The following DDX25 variants were observed in gnomAD, a reference collection of about 807,000 sequenced individuals.
DDX25 encodes ATP-dependent RNA helicase DDX25.
DDX25 carries 70 observed loss-of-function variants against 64.6 expected under a neutral mutation model. That is an observed-to-expected ratio of 1.08 (90% CI 0.89 to 1.32). DDX25 has a LOEUF of 1.32. Among genes scored for constraint, DDX25 ranks in the 40% most tolerant of loss-of-function variants. The pLI is 0.00. For missense variants in DDX25, 587 were observed against 604.4 expected (o/e 0.97, Z 0.30); for synonymous variants, 211 against 213.3 (o/e 0.99, Z 0.09).
rs1007111564 is a variant in DDX25, at chr11:125,924,194, G to A, written c.*1313G>A. 23 of 152,268 alleles carry A rather than the reference G, an allele frequency of 1.5e-4. No individual in the cohort carries two copies. The highest frequency in any genetic ancestry group is 5.6e-4 in the African/African-American group (23 of 41,428). 9.4% of individuals were successfully genotyped at this position (152,268 alleles called of 1,614,324 possible). A position where few individuals can be genotyped will look rare whatever the true frequency, so the allele number is the denominator to read the frequency against. The stretch of plus-strand genomic sequence containing the variant: ...AGGCAGGAGAATCACTTGAACCCAG[G>A]AGGCCGAGATTGCAGTGAGCCGAGA... On this transcript the variant is annotated 3_prime_UTR_variant, in exon 12 of 12. Coordinates refer to ENST00000263576, the MANE Select transcript of DDX25 (RefSeq NM_013264.5).
chr11:125,904,145 G>A (rs1038669057), upstream of DDX25, among the ~76,000 whole-genome samples: 2 of 152,208 alleles, frequency 1.3e-5, no homozygotes, highest in African/African-American at 4.8e-5. Flanking sequence ...CGTAAAGCGC[G>A]GCGGGGAGTC....
intron 8 of DDX25, among the ~76,000 whole-genome samples, chr11:125,912,486 G>C (rs994178357): frequency 2.0e-5 from 3 of 152,192 alleles, no homozygotes; most frequent in Non-Finnish European, 4.4e-5. Flanking sequence ...GGATGTTCAA[G>C]TCCCTGATGT....
chr11:125,917,700 T>C (rs1356961090), intron 9 of DDX25, among the ~76,000 whole-genome samples: 1 of 152,164 alleles, frequency 6.6e-6, no homozygotes, highest in African/African-American at 2.4e-5. Flanking sequence ...CTCTCTCTCA[T>C]TCACTCCCAT....
rs765152675 is a variant in DDX25, at chr11:125,908,198, A to G, written c.314A>G (p.Lys105Arg). 3.1e-6 allele frequency: 5 copies of G among 1,598,336 alleles called. No homozygotes were observed. In the South Asian group the frequency reaches 4.6e-5, roughly 15 times the overall value. Residue 105 changes from lysine (K) to arginine (R), a missense_variant and splice_region_variant, in exon 5 of 12, where the codon AAG becomes AGG. Transcript: ENST00000263576. Reference sequence around the variant, plus strand: ...TGTTTGATTTTTTTTTTTGACAGAAAGGAAGAGTTACTAAAAGGAATCTAT... The same window carrying G: ...TGTTTGATTTTTTTTTTTGACAGAAGGGAAGAGTTACTAAAAGGAATCTAT... ...SVKTFEELRL[K>R]EELLKGIYAM...
At chr11:125,914,975 G>T (rs1565466099) in intron 8 of DDX25, among the ~76,000 whole-genome samples, 1 of 152,118 alleles carries the variant, frequency 6.6e-6, no homozygotes, top group Non-Finnish European at 1.5e-5. Context: ...CCAAAAAATG[G>T]TCATAAACAA....
chr11:125,910,618 T>C (rs1023845322), intron 7 of DDX25, 140 bp downstream of exon 7: 4 of 752,914 alleles, frequency 5.3e-6, no homozygotes, highest in South Asian at 1.8e-5. Flanking sequence ...GTTATTAGAA[T>C]TGAGATGACG....
At chr11:125,907,326 T>A (rs540109308) in intron 4 of DDX25, among the ~76,000 whole-genome samples, 32 of 152,278 alleles carry the variant, frequency 2.1e-4, no homozygotes, top group African/African-American at 7.5e-4. Context: ...GTTGAAGTGT[T>A]GGCCGGGCGC....
chr11:125,908,008 T>G (rs1486485024), intron 4 of DDX25, among the ~76,000 whole-genome samples, 188 bp from the exon 5 acceptor site: 1 of 152,234 alleles, frequency 6.6e-6, no homozygotes, highest in Non-Finnish European at 1.5e-5. Context: ...CTTATTATTT[T>G]AGTGGTCCAG....
rs1945117623 is a variant in DDX25 at position 125,921,637 on chromosome 11, TCCCAGCACTTTG to T, written c.1390+259_1390+270del. The T allele has an allele frequency of 2.8e-6, 1 of 360,508 alleles. No individual in the cohort carries two copies. Among genetic ancestry groups the T allele is most frequent in the Admixed American group, 4.0e-5 (1 of 24,788 alleles). The allele number at this position is 360,508 out of a possible 1,614,324, so 22.3% of individuals were successfully genotyped here. ...CGGGTGTGGCAGCTCACACCTGTAA[TCCCAGCACTTTG>T]GGAGGCCGAGGTGGTCAGATCATGA... On this transcript the variant is annotated intron_variant, in intron 11 of 11. Coordinates refer to ENST00000263576, the MANE Select transcript of DDX25 (RefSeq NM_013264.5). The surrounding 1 kb of genome is among the most constrained non-coding windows in gnomAD (Gnocchi z 4.1).
intron 6 of DDX25, among the ~76,000 whole-genome samples, chr11:125,908,724 T>A (rs1944928211): frequency 6.6e-6 from 1 of 152,204 alleles, no homozygotes; most frequent in Admixed American, 6.5e-5. Flanking sequence ...TCCCACTTAC[T>A]AACTGAATGT....
chr11:125,903,808 C>G (rs572302209), upstream of DDX25, among the ~76,000 whole-genome samples: 1 of 152,018 alleles, frequency 6.6e-6, no homozygotes, highest in Non-Finnish European at 1.5e-5. Context: ...GTCATTAAAT[C>G]ATTAGTACCA....
At position 125,925,895 on chromosome 11, in the gene DDX25, C is replaced by T. The variant is rs543996040; in HGVS notation, c.*3014C>T. ...TTTTGGTCATGAGAAAGTGTTGATC[C>T]TCCTCAGCAAAGCTCGGTCACCATG... On this transcript the variant is annotated 3_prime_UTR_variant, in exon 12 of 12. Transcript: ENST00000263576. The T allele has an allele frequency of 3.5e-4, 57 of 164,410 alleles. No individual in the cohort carries two copies. Among genetic ancestry groups the T allele is most frequent in the African/African-American group, 1.3e-3 (55 of 41,988 alleles). 10.2% of individuals were successfully genotyped at this position (164,410 alleles called of 1,614,324 possible). A position where few individuals can be genotyped will look rare whatever the true frequency, so the allele number is the denominator to read the frequency against.
upstream of DDX25, among the ~76,000 whole-genome samples, chr11:125,904,190 C>A (rs941849392): frequency 2.6e-5 from 4 of 152,148 alleles, no homozygotes; most frequent in Admixed American, 6.5e-5. Flanking sequence ...GTGTGAGCGG[C>A]GGGCCGCGGG....
chr11:125,918,398 C>G (rs888959592), intron 9 of DDX25, among the ~76,000 whole-genome samples: 4 of 152,090 alleles, frequency 2.6e-5, no homozygotes, highest in Non-Finnish European at 4.4e-5. Flanking sequence ...CCATTTCATG[C>G]GTGAGAAAGC....
intron 1 of DDX25, 40 bp downstream of exon 1, chr11:125,904,620 G>A: frequency 7.0e-7 from 1 of 1,425,030 alleles, no homozygotes; most frequent in Non-Finnish European, 9.2e-7. Context: ...CCGCGGGGGT[G>A]GAGCTCCCAC....
At chr11:125,916,462 T>C (rs995526365) in intron 8 of DDX25, among the ~76,000 whole-genome samples, 1 of 152,224 alleles carries the variant, frequency 6.6e-6, no homozygotes, top group South Asian at 2.1e-4. Flanking sequence ...TTCACCTGTT[T>C]TTTAACTTTA....
intron 4 of DDX25, 97 bp from the exon 5 acceptor site, chr11:125,908,099 C>A: frequency 1.0e-6 from 1 of 981,640 alleles, no homozygotes; most frequent in Non-Finnish European, 1.5e-6. Flanking sequence ...AGCTCAGCTG[C>A]AAAGTGACTT....
In DDX25 at chr11:125,921,290, G is replaced by A. The variant is rs1945111932; in HGVS notation, c.1301G>A (p.Arg434Gln). The A allele has an allele frequency of 8.7e-6, 14 of 1,613,492 alleles. No individual in the cohort carries two copies. The highest frequency in any genetic ancestry group is 4.0e-5 in the African/African-American group (3 of 74,908). Residue 434 changes from arginine (R) to glutamine (Q), a missense_variant, in exon 11 of 12, where the codon CGG becomes CAG. Coordinates refer to ENST00000263576, the MANE Select transcript of DDX25 (RefSeq NM_013264.5). The surrounding 1 kb of genome is among the most constrained non-coding windows in gnomAD (Gnocchi z 4.1). ...DYETYLHRIG[R>Q]TGRFGKKGLA... is the part of the protein sequence containing the mutation. ...GAGACCTACCTCCACCGCATAGGGC[G>A]GACGGGGCGCTTTGGGAAAAAAGGC... is the stretch of plus-strand genomic sequence containing the variant.
In DDX25 at chr11:125,906,170, C is replaced by G. The variant is rs1281523273; in HGVS notation, c.272C>G (p.Ser91Cys). 3.2e-6 allele frequency: 5 copies of G among 1,550,524 alleles called. No individual in the cohort carries two copies. In the East Asian group the frequency reaches 1.2e-4, roughly 38 times the overall value. The change falls in exon 4 of 12, where the codon TCT becomes TGT. Residue 91 changes from serine (S) to cysteine (C), a missense_variant. Physicochemically the swap from Ser to Cys is moderately radical, Grantham distance 112. Coordinates refer to ENST00000263576, the MANE Select transcript of DDX25 (RefSeq NM_013264.5). ...RVEVLQKDPS[S>C]PLYSVKTFEE... ...GAAGTTTTACAGAAGGATCCCAGCT[C>G]TCCACTTTACTCAGTAAAGACATTT...
Sources: allele counts gnomAD v4.1 joint callset (sites outside exome capture counted in the v4.1 genomes callset), GRCh38; gene constraint gnomAD v4.1.1; non-coding constraint Gnocchi (gnomAD v3.1); transcripts MANE v1.5; gene names NCBI Gene and HGNC (gene_info 2026-07-23, HGNC 2026-07-21).